The following SORCS1 variants were observed in gnomAD, a reference collection of about 807,000 sequenced individuals.
SORCS1 encodes VPS10 domain-containing receptor SorCS1.
Under a neutral mutation model 146.1 loss-of-function variants are expected in SORCS1, and 60 were observed. That is an observed-to-expected ratio of 0.41 (90% CI 0.33 to 0.51). SORCS1 has a LOEUF of 0.51. Ranked by LOEUF, SORCS1 falls within the 20% of genes least tolerant of loss-of-function variation. The pLI, the probability that SORCS1 is intolerant of heterozygous loss-of-function variation, is 0.21. For missense variants in SORCS1, 1,352 were observed against 1,487.6 expected (o/e 0.91, Z 1.50); for synonymous variants, 637 against 584.0 (o/e 1.09, Z -1.31).
intron 5 of SORCS1, among the ~76,000 whole-genome samples, chr10:106,747,427 T>A (rs1253120800): frequency 2.6e-5 from 4 of 152,212 alleles, no homozygotes; most frequent in Non-Finnish European, 2.9e-5. Flanking sequence ...AGATGAGATG[T>A]CTTCTAAGTT....
chr10:106,734,052 A>G (rs1455662318), intron 5 of SORCS1, among the ~76,000 whole-genome samples: 1 of 152,180 alleles, frequency 6.6e-6, no homozygotes, highest in Non-Finnish European at 1.5e-5. Flanking sequence ...CTAACATCCA[A>G]TACAGCATGT....
At chr10:106,803,368 C>T (rs1947007349) in intron 3 of SORCS1, among the ~76,000 whole-genome samples, 2 of 152,166 alleles carry the variant, frequency 1.3e-5, no homozygotes, top group African/African-American at 4.8e-5. Context: ...TACCAGGGCA[C>T]TTGACCACAC....
chr10:106,974,628 G>T (rs530674290), intron 1 of SORCS1, among the ~76,000 whole-genome samples: 12 of 152,302 alleles, frequency 7.9e-5, no homozygotes, highest in African/African-American at 2.6e-4. Context: ...ACCAAAACCA[G>T]ATTCAGTCTC....
chr10:106,776,483 T>C (rs758446032), intron 4 of SORCS1, 51 bp downstream of exon 4: 25 of 1,603,430 alleles, frequency 1.6e-5, no homozygotes, highest in Non-Finnish European at 2.0e-5. Flanking sequence ...TTAGCACTAT[T>C]TTCCCCGGAG....
chr10:106,716,907 G>A (rs1157166467), intron 6 of SORCS1, among the ~76,000 whole-genome samples: 3 of 152,032 alleles, frequency 2.0e-5, no homozygotes, highest in Admixed American at 6.6e-5. Context: ...ATGCCGAGGC[G>A]GGTGGATCAC....
rs1400739671 is a variant in SORCS1 at position 106,577,273 on chromosome 10, A to G, written c.*147T>C. 6.2e-7 allele frequency: 1 copy of G among 1,606,136 alleles called. No individual in the cohort carries two copies. The highest frequency in any genetic ancestry group is 1.7e-5 in the Admixed American group (1 of 59,756). On this transcript the variant is annotated 3_prime_UTR_variant, in exon 26 of 26. Transcript: ENST00000263054. The stretch of plus-strand genomic sequence containing the variant: ...TTTTGTGCTTTGATTCTCAGCAACT[A>G]TGGAAATACTTCCTGGCAAAATAGG...
intron 3 of SORCS1, among the ~76,000 whole-genome samples, chr10:106,793,460 G>A (rs1946410528): frequency 6.6e-6 from 1 of 152,130 alleles, no homozygotes; most frequent in Non-Finnish European, 1.5e-5. Context: ...TATTTATTCA[G>A]GGGCATACAT....
At chr10:107,149,069 G>A (rs7896669) in intron 1 of SORCS1, among the ~76,000 whole-genome samples, 5,737 of 152,230 alleles carry the variant, frequency 0.038, 252 homozygotes, top group African/African-American at 0.11. Flanking sequence ...AGGAAAGAAG[G>A]GAACTGAAAG....
At position 106,775,080 on chromosome 10, in the gene SORCS1, C is replaced by T. The variant is rs962255873; in HGVS notation, c.885+1454G>A. On this transcript the variant is annotated intron_variant, in intron 4 of 25. Transcript: ENST00000263054. Reference sequence around the variant, plus strand: ...GAGGCACTCTTTGAAGTGCTGGGAACGAAAGGGTTACATATTTGGGCATCT... The same window carrying T: ...GAGGCACTCTTTGAAGTGCTGGGAATGAAAGGGTTACATATTTGGGCATCT... Among the ~76,000 whole-genome samples the T allele has an allele frequency of 1.1e-4, 16 of 152,196 alleles. No individual in the cohort carries two copies. In the East Asian group the frequency reaches 1.2e-3, roughly 11 times the overall value.
rs144464953 is a variant in SORCS1, at chr10:106,737,490, C to T, written c.960-7376G>A. ...TGGTGGCTCACACACTTTGGGAGGCCGAGGTGGGTGGATCACTTGAGGTTG... is the reference window on the plus strand; with the variant it reads ...TGGTGGCTCACACACTTTGGGAGGCTGAGGTGGGTGGATCACTTGAGGTTG... On this transcript the variant is annotated intron_variant, in intron 5 of 25. Transcript: ENST00000263054. Among the ~76,000 whole-genome samples the T allele has an allele frequency of 4.1e-3, 628 of 151,940 alleles. 5 individuals carry two copies. The highest frequency in any genetic ancestry group is 0.014 in the African/African-American group (588 of 41,428).
chr10:106,601,966 T>C (rs1846269129), intron 23 of SORCS1, among the ~76,000 whole-genome samples: 2 of 152,190 alleles, frequency 1.3e-5, no homozygotes, highest in South Asian at 2.1e-4. Flanking sequence ...CACACAGTGA[T>C]GGTTACCACA....
chr10:106,792,028 T>C (rs563126755), intron 3 of SORCS1, among the ~76,000 whole-genome samples: 2 of 152,340 alleles, frequency 1.3e-5, no homozygotes, highest in Middle Eastern at 3.4e-3. Flanking sequence ...ATGTCTCTTT[T>C]TCTTATTGAT....
intron 12 of SORCS1, among the ~76,000 whole-genome samples, chr10:106,678,942 C>A (rs1048865912): frequency 2.0e-5 from 3 of 152,052 alleles, no homozygotes; most frequent in African/African-American, 7.2e-5. Context: ...ATATGATAAA[C>A]CCTTAGGAAT....
intron 1 of SORCS1, among the ~76,000 whole-genome samples, chr10:107,114,747 C>T (rs1385177557): frequency 1.3e-5 from 2 of 152,052 alleles, no homozygotes; most frequent in Non-Finnish European, 2.9e-5. Flanking sequence ...AATGGAAGTC[C>T]TAGCCAGAAA....
intron 6 of SORCS1, among the ~76,000 whole-genome samples, chr10:106,710,283 C>G (rs964486282): frequency 5.9e-5 from 9 of 151,954 alleles, no homozygotes; most frequent in African/African-American, 2.2e-4. Flanking sequence ...CCCGTCTCTA[C>G]TAAAAATACA....
chr10:106,703,754 T>G (rs1295133855), intron 8 of SORCS1, among the ~76,000 whole-genome samples: 1 of 152,232 alleles, frequency 6.6e-6, no homozygotes, highest in Non-Finnish European at 1.5e-5. Context: ...ATGAAATATA[T>G]GCACCTTTGT....
intron 1 of SORCS1, among the ~76,000 whole-genome samples, chr10:106,993,459 A>T (rs535653849): frequency 1.2e-3 from 176 of 152,334 alleles, no homozygotes; most frequent in Non-Finnish European, 1.9e-3. Context: ...TACATGACTT[A>T]ACTATCAAGG....
chr10:106,728,295 T>C (rs960477113), intron 6 of SORCS1, among the ~76,000 whole-genome samples: 4 of 112,506 alleles, frequency 3.6e-5, no homozygotes, highest in African/African-American at 1.2e-4. Context: ...GTGTTTACTT[T>C]TGCATTAAGA....
intron 1 of SORCS1, among the ~76,000 whole-genome samples, chr10:107,124,953 C>CTTTTTTTTTT (rs577523339): frequency 3.3e-5 from 4 of 121,612 alleles, no homozygotes; most frequent in Non-Finnish European, 5.0e-5. Flanking sequence ...TTTTCTTTTT[C>CTTTTTTTTTT]TTTTTTTTTT....
Sources: allele counts gnomAD v4.1 joint callset (sites outside exome capture counted in the v4.1 genomes callset), GRCh38; gene constraint gnomAD v4.1.1; transcripts MANE v1.5; gene names NCBI Gene and HGNC (gene_info 2026-07-23, HGNC 2026-07-21).